DEPDC1B: variants seen among roughly 807,000 people sequenced by gnomAD.
The protein encoded by DEPDC1B is DEP domain containing 1B, also known as DEP domain-containing protein 1B.
Under a neutral mutation model 66.5 loss-of-function variants are expected in DEPDC1B, and 51 were observed. That is an observed-to-expected ratio of 0.77 (90% CI 0.61 to 0.97). The LOEUF is 0.97. DEPDC1B is among the 50% of genes least tolerant of loss of function. The pLI is 0.00. For missense variants in DEPDC1B, 552 were observed against 637.1 expected, an observed-to-expected ratio of 0.87 and a Z score of 1.44; for synonymous variants, 226 against 223.6, an observed-to-expected ratio of 1.01 and a Z score of -0.10.
At position 60,603,490 on chromosome 5, in the gene DEPDC1B, C is replaced by A; in HGVS notation, c.1143G>T (p.Leu381Phe). The A allele has an allele frequency of 6.2e-7, 1 of 1,612,880 alleles. No homozygotes were observed. The highest frequency in any genetic ancestry group is 8.5e-7 in the Non-Finnish European group (1 of 1,179,606). Residue 381 changes from leucine to phenylalanine, a missense_variant, in exon 9 of 11, where the codon TTG becomes TTT. By Grantham distance (22) the Leu-to-Phe change is conservative (BLOSUM62 0). Transcript: ENST00000265036. Reference protein sequence around the residue: ...VDLDELLAARLVTFLMDNYQE... With the variant: ...VDLDELLAARFVTFLMDNYQE... ...GGTAATTGTCCATCAGAAACGTTAC[C>A]AATCTAGCAGCTAATAACTCATCCA... is the stretch of plus-strand genomic sequence containing the variant.
At chr5:60,689,374 T>C (rs1419194560) in intron 1 of DEPDC1B, among the ~76,000 whole-genome samples, 1 of 152,250 alleles carries the variant, frequency 6.6e-6, no homozygotes, top group Non-Finnish European at 1.5e-5. Context: ...CATTAGACTA[T>C]ATATAATATG....
chr5:60,692,396 G>A (rs762631615), intron 1 of DEPDC1B, among the ~76,000 whole-genome samples: 20 of 152,202 alleles, frequency 1.3e-4, no homozygotes, highest in Non-Finnish European at 2.6e-4. Context: ...TTATTCCATT[G>A]AATTCGTAAA....
At chr5:60,674,321 A>G (rs1319795720) in intron 2 of DEPDC1B, among the ~76,000 whole-genome samples, 1 of 152,224 alleles carries the variant, frequency 6.6e-6, no homozygotes, top group Non-Finnish European at 1.5e-5. Flanking sequence ...ACAAAAGTCT[A>G]TCAATAACCA....
At chr5:60,677,326 A>ACACACACTCTCTCT (rs770640655) in intron 2 of DEPDC1B, among the ~76,000 whole-genome samples, 13 of 108,526 alleles carry the variant, frequency 1.2e-4, no homozygotes, top group African/African-American at 4.8e-4. Context: ...ACACACACAC[A>ACACACACTCTCTCT]CTCTCTCTCT....
chr5:60,603,267 G>C, intron 9 of DEPDC1B, 124 bp downstream of exon 9: 1 of 869,492 alleles, frequency 1.2e-6, no homozygotes, highest in Non-Finnish European at 1.6e-6. Context: ...GCCAAGACCT[G>C]TTGTAAGTAC....
At position 60,599,711 on chromosome 5, in the gene DEPDC1B, G is replaced by A. The variant is rs778466937; in HGVS notation, c.1243-451C>T. Among the ~76,000 whole-genome samples, 16 of 152,348 alleles carry A rather than the reference G, an allele frequency of 1.1e-4. No homozygotes were observed. The East Asian group carries it at 1.2e-3, about 11-fold the overall frequency. ...TTAAACCACAAACAATAGCATGAGC[G>A]ATCTGTGCCTTAAAGACATGTTCAT... is the stretch of plus-strand genomic sequence containing the variant. On this transcript the variant is annotated intron_variant, in intron 9 of 10. Coordinates refer to ENST00000265036, the MANE Select transcript of DEPDC1B (RefSeq NM_018369.3).
At chr5:60,601,511 T>C (rs1204717655) in intron 9 of DEPDC1B, among the ~76,000 whole-genome samples, 1 of 152,246 alleles carries the variant, frequency 6.6e-6, no homozygotes, top group Non-Finnish European at 1.5e-5. Context: ...TTCATGGCCT[T>C]TGGCCAAGCA....
chr5:60,679,254 A>G (rs560142677), intron 2 of DEPDC1B, among the ~76,000 whole-genome samples: 3 of 152,276 alleles, frequency 2.0e-5, no homozygotes, highest in African/African-American at 7.2e-5. Context: ...CCACTGATCT[A>G]TATGTCTTTC....
At chr5:60,622,321 C>G (rs1752723260) in intron 7 of DEPDC1B, among the ~76,000 whole-genome samples, 2 of 152,128 alleles carry the variant, frequency 1.3e-5, no homozygotes, top group African/African-American at 4.8e-5. Context: ...GTAAATGGAA[C>G]CAGAATGGCT....
At chr5:60,684,471 A>C (rs1406474918) in intron 2 of DEPDC1B, among the ~76,000 whole-genome samples, 2 of 152,210 alleles carry the variant, frequency 1.3e-5, no homozygotes, top group East Asian at 3.8e-4. Context: ...ATTTTCAACC[A>C]AGATGCCAAG....
chr5:60,656,253 T>A (rs1392880291), intron 2 of DEPDC1B, among the ~76,000 whole-genome samples: 2 of 151,104 alleles, frequency 1.3e-5, no homozygotes, highest in African/African-American at 4.9e-5. Context: ...CTCCGCCTCC[T>A]GGGTTCACGC....
intron 10 of DEPDC1B, 149 bp downstream of exon 10, chr5:60,598,926 A>T: frequency 3.3e-6 from 2 of 598,474 alleles, no homozygotes; most frequent in Non-Finnish European, 5.4e-6. Flanking sequence ...TGTGTAAATC[A>T]GTGAGACTTC....
At position 60,685,312 on chromosome 5, in the gene DEPDC1B, A is replaced by G. The variant is rs144758248; in HGVS notation, c.314+1650T>C. ...GATTTCATCCCAGCTTAATCTAGGT[A>G]ATTGGCAAAAGTTGGTGGTTAACTT... On this transcript the variant is annotated intron_variant, in intron 2 of 10. Transcript: ENST00000265036. Among the ~76,000 whole-genome samples, 62 of 152,292 alleles carry G rather than the reference A, an allele frequency of 4.1e-4. 1 individual carries two copies. The highest frequency in any genetic ancestry group is 1.4e-3 in the African/African-American group (57 of 41,550).
At chr5:60,656,399 C>T (rs762471742) in intron 2 of DEPDC1B, among the ~76,000 whole-genome samples, 5 of 152,204 alleles carry the variant, frequency 3.3e-5, no homozygotes, top group Non-Finnish European at 7.4e-5. Flanking sequence ...CTACCCGCCT[C>T]GGCCTCCCAA....
At chr5:60,637,065 A>C (rs1224562960) in intron 7 of DEPDC1B, among the ~76,000 whole-genome samples, 2 of 152,238 alleles carry the variant, frequency 1.3e-5, no homozygotes, top group Non-Finnish European at 2.9e-5. Flanking sequence ...ACATTATAAA[A>C]ATAGAAAATG....
Position 60,659,563 on chromosome 5 carries a change from G to C in DEPDC1B, c.315-12030C>G, listed in dbSNP as rs187288583. 2.2e-3 allele frequency among the ~76,000 whole-genome samples: 333 copies of C among 152,316 alleles called. 2 individuals carry two copies. The highest frequency in any genetic ancestry group is 7.7e-3 in the African/African-American group (321 of 41,568). Reference sequence around the variant, plus strand: ...TCCTGGGGAAGCCAAGGGCTGACTAGTAGCAGAAAGCTGTCATCCCGAACT... The same window carrying C: ...TCCTGGGGAAGCCAAGGGCTGACTACTAGCAGAAAGCTGTCATCCCGAACT... On this transcript the variant is annotated intron_variant, in intron 2 of 10. Coordinates refer to ENST00000265036, the MANE Select transcript of DEPDC1B (RefSeq NM_018369.3).
At chr5:60,664,018 G>A (rs1374492652) in intron 2 of DEPDC1B, among the ~76,000 whole-genome samples, 2 of 152,194 alleles carry the variant, frequency 1.3e-5, no homozygotes, top group African/African-American at 4.8e-5. Flanking sequence ...CGGTGAAATA[G>A]CCAGGCCATT....
At chr5:60,614,002 C>T (rs1358949489) in intron 7 of DEPDC1B, among the ~76,000 whole-genome samples, 2 of 152,120 alleles carry the variant, frequency 1.3e-5, no homozygotes, top group Non-Finnish European at 2.9e-5. Context: ...TTTCAGTTTT[C>T]AAGTCTTACA....
rs112216987 is a variant in DEPDC1B, at chr5:60,654,366, C to CT, written c.315-6834dup. On this transcript the variant is annotated intron_variant, in intron 2 of 10. Transcript: ENST00000265036. ...CTAAGTTTTTTGGTGTTTTTTTTTTCTTTTTTTTTGGTGGGGGGTACTATT... is the reference window on the plus strand; with the variant it reads ...CTAAGTTTTTTGGTGTTTTTTTTTTCTTTTTTTTTTGGTGGGGGGTACTATT... Among the ~76,000 whole-genome samples the CT allele has an allele frequency of 3.6e-4, 49 of 136,168 alleles. 2 individuals carry two copies. The highest frequency in any genetic ancestry group is 5.6e-4 in the African/African-American group (20 of 35,448). 89.3% of individuals were successfully genotyped at this position (136,168 alleles called of 152,430 possible).
Sources: allele counts gnomAD v4.1 joint callset (sites outside exome capture counted in the v4.1 genomes callset), GRCh38; gene constraint gnomAD v4.1.1; transcripts MANE v1.5; gene names NCBI Gene and HGNC (gene_info 2026-07-23, HGNC 2026-07-21).